The following PLEKHA5 variants were observed in gnomAD, a reference collection of about 807,000 sequenced individuals.
The protein encoded by PLEKHA5 is pleckstrin homology domain-containing family A member 5.
A neutral mutation model predicts 181.9 loss-of-function variants in PLEKHA5; 55 were observed. The ratio of observed to expected loss-of-function variants is 0.30; its 90% CI spans 0.24 to 0.38. The LOEUF (loss-of-function observed/expected upper bound fraction) is 0.38, where lower values mean the gene tolerates loss of function less well. PLEKHA5 is among the 10% of genes least tolerant of loss of function. The pLI is 1.00. For synonymous variants in PLEKHA5, 535 were observed against 529.4 expected, an observed-to-expected ratio of 1.01 and a Z score of -0.15; for missense variants, 1,432 against 1,549.5, an observed-to-expected ratio of 0.92 and a Z score of 1.27.
intron 22 of PLEKHA5, 99 bp downstream of exon 22, chr12:19,343,533 A>G: frequency 1.4e-6 from 1 of 734,906 alleles, no homozygotes; most frequent in Non-Finnish European, 2.4e-6. Context: ...TTGTTAGGTG[A>G]TTGTGTTGTA....
chr12:19,302,890 C>A (rs1483318758), intron 15 of PLEKHA5, among the ~76,000 whole-genome samples: 1 of 138,324 alleles, frequency 7.2e-6, no homozygotes, highest in Non-Finnish European at 1.5e-5. Flanking sequence ...TGTTGGACAG[C>A]ACTGTTCTGT....
rs144318163 is a variant in PLEKHA5 at position 19,228,210 on chromosome 12, G to A, written c.228-25730G>A. On this transcript the variant is annotated intron_variant, in intron 3 of 31. Coordinates refer to ENST00000429027, the MANE Select transcript of PLEKHA5 (RefSeq NM_001256470.2). ...GATTATAACCCTTGTCTCTTTAGTA[G>A]CTGTTTGTGGCCTACTATGTTACAC... Among the ~76,000 whole-genome samples the A allele has an allele frequency of 4.6e-5, 7 of 152,262 alleles. No individual in the cohort carries two copies. In the East Asian group the frequency reaches 1.4e-3, roughly 29 times the overall value.
chr12:19,336,420 T>C (rs1267085862), intron 20 of PLEKHA5, 95 bp from the exon 21 acceptor site: 3 of 688,168 alleles, frequency 4.4e-6, no homozygotes, highest in Non-Finnish European at 7.5e-6. Context: ...GTATAAACTA[T>C]ATGACTTTCT....
At chr12:19,300,988 A>T (rs1455217233) in intron 15 of PLEKHA5, among the ~76,000 whole-genome samples, 1 of 151,406 alleles carries the variant, frequency 6.6e-6, no homozygotes, top group Non-Finnish European at 1.5e-5. Flanking sequence ...AAAAAAAAAA[A>T]AAAAATACAA....
intron 3 of PLEKHA5, among the ~76,000 whole-genome samples, chr12:19,136,923 T>C (rs544568544): frequency 6.6e-6 from 1 of 152,226 alleles, no homozygotes; most frequent in Admixed American, 6.5e-5. Context: ...AGGAGAAAAA[T>C]CTGTTTCTTC....
chr12:19,342,259 A>G (rs2093992772), intron 21 of PLEKHA5, among the ~76,000 whole-genome samples: 1 of 152,174 alleles, frequency 6.6e-6, no homozygotes, highest in Admixed American at 6.5e-5. Context: ...CTATTTATGA[A>G]TAAGAGTCAT....
In PLEKHA5 at chr12:19,129,843, C is replaced by G; in HGVS notation, c.44C>G (p.Ser15Cys). 6.2e-7 allele frequency: 1 copy of G among 1,607,678 alleles called. No homozygotes were observed. Among genetic ancestry groups the G allele is most frequent in the South Asian group, 1.1e-5 (1 of 90,502 alleles). Residue 15 changes from serine to cysteine, a missense_variant, in exon 1 of 32, where the codon TCC (serine) becomes TGC (cysteine). Coordinates refer to ENST00000429027, the MANE Select transcript of PLEKHA5 (RefSeq NM_001256470.2). Reference protein sequence around the residue: ...LNLEWISLPRSWTYGITRGGR... With the variant: ...LNLEWISLPRCWTYGITRGGR... ...CTGGAGTGGATCTCCCTGCCCCGGT[C>G]CTGGACTTACGGGATCACCAGGGGC...
Position 19,141,226 on chromosome 12 carries a change from A to G in PLEKHA5, c.227+8776A>G, listed in dbSNP as rs117120522. ...GAAAAAATGGTTACGTGCAGCCCCA[A>G]ATTACACCCGTTTAGCTTTTTAACC... is the stretch of plus-strand genomic sequence containing the variant. On this transcript the variant is annotated intron_variant, in intron 3 of 31. Coordinates refer to ENST00000429027, the MANE Select transcript of PLEKHA5 (RefSeq NM_001256470.2). 2.6e-3 allele frequency among the ~76,000 whole-genome samples: 402 copies of G among 152,234 alleles called. 1 individual carries two copies. The highest frequency in any genetic ancestry group is 3.7e-3 in the Non-Finnish European group (250 of 68,018).
Position 19,364,634 on chromosome 12 carries a change from G to A in PLEKHA5, c.3609-1330G>A, listed in dbSNP as rs188812579. 2.4e-3 allele frequency among the ~76,000 whole-genome samples: 371 copies of A among 152,030 alleles called. 1 individual carries two copies. The highest frequency in any genetic ancestry group is 0.024 in the Middle Eastern group (7 of 292). On this transcript the variant is annotated intron_variant, in intron 29 of 31. Transcript: ENST00000429027. ...TCTGACAAGGATCTTTATATGAATG[G>A]GTCAACCCAATAACCCCTGAACTCA...
Position 19,290,804 on chromosome 12 carries a change from A to T in PLEKHA5, c.1983+8A>T. 1 of 1,524,884 alleles carries T rather than the reference A, an allele frequency of 6.6e-7. No homozygotes were observed. 94.5% of individuals were successfully genotyped at this position (1,524,884 alleles called of 1,614,324 possible). On this transcript the variant is annotated splice_region_variant and intron_variant, in intron 14 of 31. Coordinates refer to ENST00000429027, the MANE Select transcript of PLEKHA5 (RefSeq NM_001256470.2). ...GAGGCCCACAGCCCAAAGGTCAGCT[A>T]TGGAGAGATTTGTCTGTGTCGTCTG...
At chr12:19,254,489 G>A (rs1323488236) in intron 4 of PLEKHA5, among the ~76,000 whole-genome samples, 1 of 151,992 alleles carries the variant, frequency 6.6e-6, no homozygotes, top group African/African-American at 2.4e-5. Context: ...TTTCAGTTGG[G>A]TGACCAAGTA....
intron 3 of PLEKHA5, among the ~76,000 whole-genome samples, chr12:19,211,912 G>A (rs1039486638): frequency 7.9e-5 from 12 of 152,130 alleles, no homozygotes; most frequent in Non-Finnish European, 1.3e-4. Context: ...GCCTGCTTGG[G>A]GATTTGGCTG....
intron 3 of PLEKHA5, chr12:19,152,690 A>G (rs1173440295): frequency 1.3e-5 from 2 of 152,194 alleles, no homozygotes; most frequent in Non-Finnish European, 2.9e-5. Flanking sequence ...AATGAATATA[A>G]CATTTGTCAG....
At chr12:19,232,257 T>C (rs2060742262) in intron 3 of PLEKHA5, among the ~76,000 whole-genome samples, 4 of 152,184 alleles carry the variant, frequency 2.6e-5, no homozygotes. Context: ...TTATGCTGAT[T>C]GTTCCTAATA....
At chr12:19,361,218 CT>C (rs2153233193) in intron 28 of PLEKHA5, among the ~76,000 whole-genome samples, 1 of 152,310 alleles carries the variant, frequency 6.6e-6, no homozygotes, top group South Asian at 2.1e-4. Flanking sequence ...GAGTCTCGCT[CT>C]GTCACCCAGG....
chr12:19,216,953 C>G (rs920548041), intron 3 of PLEKHA5, among the ~76,000 whole-genome samples: 1 of 152,142 alleles, frequency 6.6e-6, no homozygotes, highest in South Asian at 2.1e-4. Flanking sequence ...CTTCTTTTCT[C>G]AATACTGTAA....
chr12:19,318,795 C>G (rs982703951), intron 16 of PLEKHA5, among the ~76,000 whole-genome samples: 1 of 152,010 alleles, frequency 6.6e-6, no homozygotes, highest in Non-Finnish European at 1.5e-5. Flanking sequence ...TGATGGTGCA[C>G]GTATAATCCC....
At chr12:19,288,770 T>C (rs2077772334) in intron 13 of PLEKHA5, among the ~76,000 whole-genome samples, 1 of 152,240 alleles carries the variant, frequency 6.6e-6, no homozygotes, top group African/African-American at 2.4e-5. Flanking sequence ...TCATTAATCA[T>C]AGAGTAAATG....
chr12:19,304,455 T>C (rs1045376595), intron 15 of PLEKHA5, among the ~76,000 whole-genome samples: 1 of 152,206 alleles, frequency 6.6e-6, no homozygotes, highest in Admixed American at 6.5e-5. Context: ...CCAATATTTG[T>C]GTTTACTTAG....
Sources: gnomAD v4.1 joint callset for allele counts (sites outside exome capture counted in the v4.1 genomes callset) on GRCh38, gnomAD v4.1.1 for gene constraint, MANE v1.5 for transcripts, NCBI Gene and HGNC (gene_info 2026-07-23, HGNC 2026-07-21) for gene names.